The following EVI5 variants were observed in gnomAD, a reference collection of about 807,000 sequenced individuals.
The protein encoded by EVI5 is ecotropic viral integration site 5 protein homolog.
In EVI5, 73 loss-of-function variants were observed where a neutral mutation model predicts 112.0. The observed-to-expected ratio is 0.65, with a 90% CI of 0.54 to 0.79. The LOEUF (loss-of-function observed/expected upper bound fraction) is 0.79, where lower values mean the gene tolerates loss of function less well. Ranked by LOEUF, EVI5 falls within the 30% of genes least tolerant of loss-of-function variation. The pLI, the probability that EVI5 is intolerant of heterozygous loss-of-function variation, is 0.00. For synonymous variants in EVI5, 305 were observed against 319.9 expected (o/e 0.95, Z 0.50); for missense variants, 900 against 968.8 (o/e 0.93, Z 0.94).
chr1:92,553,125 A>ATTAT (rs903835873), intron 19 of EVI5, among the ~76,000 whole-genome samples: 130 of 151,504 alleles, frequency 8.6e-4, no homozygotes, highest in Admixed American at 2.2e-3. Flanking sequence ...CCTGTGTGGG[A>ATTAT]TTATTTATTT....
At chr1:92,626,679 C>G (rs1005348563) in intron 14 of EVI5, among the ~76,000 whole-genome samples, 2 of 152,098 alleles carry the variant, frequency 1.3e-5, no homozygotes, top group African/African-American at 2.4e-5. Flanking sequence ...TTTGAGAACA[C>G]AGAAATCTAA....
intron 1 of EVI5, chr1:92,773,862 G>A (rs1329317047): frequency 1.3e-5 from 2 of 151,398 alleles, no homozygotes; most frequent in Admixed American, 6.6e-5. Flanking sequence ...CCATCTCTAT[G>A]AGAAAAAAAA....
In EVI5 at chr1:92,559,773, C is replaced by CAAAAA. The variant is rs34723950; in HGVS notation, c.2166+3864_2166+3868dup. Among the ~76,000 whole-genome samples, 13 of 47,472 alleles carry CAAAAA rather than the reference C, an allele frequency of 2.7e-4. 2 individuals carry two copies. Among genetic ancestry groups the CAAAAA allele is most frequent in the East Asian group, 6.5e-4 (1 of 1,534 alleles). The allele number at this position is 47,472 out of a possible 152,430, so 31.1% of individuals were successfully genotyped here. Reference sequence around the variant, plus strand: ...TGGGAGACAGAGCAAGACTCCCTCTCAAAAAAAAAAAAAAAAAAAAAAAAA... The same window carrying CAAAAA: ...TGGGAGACAGAGCAAGACTCCCTCTCAAAAAAAAAAAAAAAAAAAAAAAAAAAAAA... On this transcript the variant is annotated intron_variant, in intron 19 of 19. Coordinates refer to ENST00000684568, the MANE Select transcript of EVI5 (RefSeq NM_001350197.2).
intron 19 of EVI5, among the ~76,000 whole-genome samples, chr1:92,534,346 C>A (rs570076406): frequency 6.6e-6 from 1 of 152,146 alleles, no homozygotes; most frequent in South Asian, 2.1e-4. Flanking sequence ...GTGACAATGG[C>A]CATACTGCCC....
In EVI5 at chr1:92,624,316, T is replaced by C. The variant is rs148083405; in HGVS notation, c.1687A>G (p.Thr563Ala). The change falls in exon 16 of 20, where the codon ACT (threonine) becomes GCT (alanine). Residue 563 changes from threonine to alanine, a missense_variant. Physicochemically the swap from Thr to Ala is moderately conservative, Grantham distance 58 (BLOSUM62 0). Transcript: ENST00000684568. Reference sequence around the variant, plus strand: ...TTGGGTGGGTCTTTCCATCTCCCAGTAGTACGAGCTAAGTGGCGCTAAAGC... The same window carrying C: ...TTGGGTGGGTCTTTCCATCTCCCAGCAGTACGAGCTAAGTGGCGCTAAAGC... The part of the protein sequence containing the change: ...EHWQRHLART[T>A]GRWKDPPKKN... 497 of 1,613,502 alleles carry C rather than the reference T, an allele frequency of 3.1e-4. 3 individuals are homozygous for C. Among genetic ancestry groups the C allele is most frequent in the South Asian group, 2.6e-3 (235 of 91,058 alleles).
chr1:92,756,657 CT>C, intron 1 of EVI5: 1 of 503,874 alleles, frequency 2.0e-6, no homozygotes, highest in Non-Finnish European at 4.1e-6. Context: ...AGCCAGTTCA[CT>C]TTCAGCAACC....
chr1:92,714,979 T>G (rs902969780), intron 2 of EVI5, among the ~76,000 whole-genome samples: 4 of 152,180 alleles, frequency 2.6e-5, no homozygotes, highest in African/African-American at 7.2e-5. Context: ...ATATAAATCC[T>G]TCCCATGGAT....
chr1:92,585,442 T>C (rs934294417), intron 18 of EVI5, among the ~76,000 whole-genome samples: 10 of 152,102 alleles, frequency 6.6e-5, no homozygotes, highest in Non-Finnish European at 7.4e-5. Context: ...TACGCTGTGA[T>C]TGCACCACTG....
At chr1:92,676,149 A>AG in intron 10 of EVI5, among the ~76,000 whole-genome samples, 1 of 152,128 alleles carries the variant, frequency 6.6e-6, no homozygotes, top group South Asian at 2.1e-4. Context: ...CCTCTAGAAA[A>AG]GGGAGGAGAG....
chr1:92,600,160 A>G (rs1477378557), intron 18 of EVI5, among the ~76,000 whole-genome samples: 1 of 152,192 alleles, frequency 6.6e-6, no homozygotes, highest in African/African-American at 2.4e-5. Context: ...AGACTTTTCT[A>G]TTTTGAAAGA....
intron 13 of EVI5, among the ~76,000 whole-genome samples, chr1:92,648,637 T>C (rs993329830): frequency 6.6e-6 from 1 of 152,220 alleles, no homozygotes; most frequent in Non-Finnish European, 1.5e-5. Context: ...CAATATGTGA[T>C]CTTTTGGGTC....
intron 6 of EVI5, among the ~76,000 whole-genome samples, chr1:92,697,248 T>C (rs763614008): frequency 2.6e-5 from 4 of 151,868 alleles, no homozygotes; most frequent in East Asian, 1.9e-4. Context: ...TAAATGAAAA[T>C]ATTTACATTA....
chr1:92,607,471 G>C, intron 17 of EVI5, 110 bp downstream of exon 17: 1 of 757,124 alleles, frequency 1.3e-6, no homozygotes, highest in Non-Finnish European at 1.9e-6. Context: ...GTAGAAAATA[G>C]GACGAGCTTT....
At chr1:92,785,271 C>T (rs1281607825), upstream of EVI5, among the ~76,000 whole-genome samples, 1 of 152,244 alleles carries the variant, frequency 6.6e-6, no homozygotes, top group Non-Finnish European at 1.5e-5. Context: ...CTCCGCCTCT[C>T]TTTCAAAGCA....
intron 18 of EVI5, 128 bp downstream of exon 18, chr1:92,605,179 A>T: frequency 1.5e-6 from 1 of 682,080 alleles, no homozygotes; most frequent in East Asian, 2.6e-5. Context: ...ACAATAAAAA[A>T]AAATTGGAAA....
At chr1:92,632,582 G>T (rs1657425391) in intron 14 of EVI5, among the ~76,000 whole-genome samples, 1 of 151,776 alleles carries the variant, frequency 6.6e-6, no homozygotes, top group African/African-American at 2.4e-5. Flanking sequence ...TTCTTTATTA[G>T]TCTTGCTAGC....
intron 1 of EVI5, among the ~76,000 whole-genome samples, chr1:92,745,834 T>C (rs1679174977): frequency 6.6e-6 from 1 of 152,178 alleles, no homozygotes; most frequent in Non-Finnish European, 1.5e-5. Context: ...TTATTTCATA[T>C]ATATTCCTGT....
At chr1:92,745,473 G>A (rs968280101) in intron 1 of EVI5, among the ~76,000 whole-genome samples, 1 of 152,084 alleles carries the variant, frequency 6.6e-6, no homozygotes, top group Admixed American at 6.5e-5. Flanking sequence ...TGCTTACACT[G>A]TTATATTATA....
At chr1:92,713,304 C>T (rs1673115129) in intron 2 of EVI5, among the ~76,000 whole-genome samples, 1 of 151,550 alleles carries the variant, frequency 6.6e-6, no homozygotes, top group African/African-American at 2.4e-5. Flanking sequence ...CTACACAATA[C>T]TAGTATTGTC....
Sources: gnomAD v4.1 joint callset for allele counts (sites outside exome capture counted in the v4.1 genomes callset) on GRCh38, gnomAD v4.1.1 for gene constraint, MANE v1.5 for transcripts, NCBI Gene and HGNC (gene_info 2026-07-23, HGNC 2026-07-21) for gene names.